GRID2: variants seen among roughly 807,000 people sequenced by gnomAD.
GRID2 encodes glutamate ionotropic receptor delta type subunit 2.
In GRID2, 33 loss-of-function variants were observed where a neutral mutation model predicts 114.8. The observed-to-expected ratio is 0.29, with a 90% CI of 0.22 to 0.38. The LOEUF is 0.38. Among genes scored for constraint, GRID2 ranks in the 10% least tolerant of loss-of-function variants. The probability of loss-of-function intolerance (pLI) is 1.00; values close to 1 mark genes in which losing one functional copy is unlikely to be tolerated. For missense variants in GRID2, 1,184 were observed against 1,257.7 expected (o/e 0.94, Z 0.89); for synonymous variants, 505 against 449.9 (o/e 1.12, Z -1.55).
chr4:93,060,066 G>A (rs1727638905), intron 2 of GRID2, among the ~76,000 whole-genome samples: 1 of 151,856 alleles, frequency 6.6e-6, no homozygotes, highest in African/African-American at 2.4e-5. Context: ...AAAAGTTTAT[G>A]TTTAGTCAAA....
At chr4:92,896,894 G>A (rs937015030) in intron 2 of GRID2, among the ~76,000 whole-genome samples, 5 of 151,968 alleles carry the variant, frequency 3.3e-5, no homozygotes, top group Admixed American at 6.6e-5. Flanking sequence ...AGGTATGTGC[G>A]ACGACGCCCG....
At chr4:93,423,767 T>C (rs1170179134) in intron 10 of GRID2, among the ~76,000 whole-genome samples, 4 of 152,176 alleles carry the variant, frequency 2.6e-5, no homozygotes, top group African/African-American at 9.7e-5. Flanking sequence ...CTTCAGTTTT[T>C]TGAGGCTCTG....
chr4:92,931,266 A>G (rs1488762059), intron 2 of GRID2, among the ~76,000 whole-genome samples: 3 of 151,048 alleles, frequency 2.0e-5, no homozygotes, highest in African/African-American at 4.8e-5. Context: ...TAGGCATTAA[A>G]AAAAAGCCTG....
At chr4:93,373,892 G>A (rs1241182899) in intron 8 of GRID2, among the ~76,000 whole-genome samples, 1 of 152,102 alleles carries the variant, frequency 6.6e-6, no homozygotes, top group Non-Finnish European at 1.5e-5. Context: ...AATAATAAAA[G>A]TATTTGCAAG....
Position 93,112,058 on chromosome 4 carries a change from A to G in GRID2, c.735+1105A>G, listed in dbSNP as rs532105615. 10 of 152,216 alleles carry G rather than the reference A, an allele frequency of 6.6e-5. No homozygotes were observed. The South Asian group carries it at 2.1e-3, about 32-fold the overall frequency. 9.4% of individuals were successfully genotyped at this position (152,216 alleles called of 1,614,324 possible). On this transcript the variant is annotated intron_variant, in intron 4 of 15. Coordinates refer to ENST00000282020, the MANE Select transcript of GRID2 (RefSeq NM_001510.4). ...TCTTATTGAACTACTACATTTTTTC[A>G]TAATATAAAATATTTCCAATTTTAA... is the stretch of plus-strand genomic sequence containing the variant.
At chr4:93,378,529 C>T (rs933091246) in intron 8 of GRID2, among the ~76,000 whole-genome samples, 23 of 151,984 alleles carry the variant, frequency 1.5e-4, no homozygotes, top group Non-Finnish European at 2.5e-4. Flanking sequence ...GGTAAGTAAA[C>T]CACAATTATA....
chr4:93,012,648 TAAAA>T (rs1193056647), intron 2 of GRID2, among the ~76,000 whole-genome samples: 1 of 147,608 alleles, frequency 6.8e-6, no homozygotes, highest in Non-Finnish European at 1.5e-5. Flanking sequence ...ACTGTACTAA[TAAAA>T]AGAGCAAAGG....
At chr4:92,835,310 T>G (rs1479567919) in intron 2 of GRID2, among the ~76,000 whole-genome samples, 1 of 152,084 alleles carries the variant, frequency 6.6e-6, no homozygotes, top group Non-Finnish European at 1.5e-5. Flanking sequence ...ACATTAATTA[T>G]TTTTGGAGGC....
intron 2 of GRID2, among the ~76,000 whole-genome samples, chr4:92,676,508 C>T (rs574654389): frequency 2.0e-5 from 3 of 152,048 alleles, no homozygotes; most frequent in Non-Finnish European, 2.9e-5. Context: ...AAATTCTGTA[C>T]GTTTCTTGGC....
At chr4:93,309,058 A>G (rs1341276250) in intron 8 of GRID2, among the ~76,000 whole-genome samples, 1 of 152,158 alleles carries the variant, frequency 6.6e-6, no homozygotes, top group Non-Finnish European at 1.5e-5. Context: ...TTTACATACT[A>G]AATATTTTAT....
intron 10 of GRID2, among the ~76,000 whole-genome samples, chr4:93,436,791 A>C (rs1339427883): frequency 6.6e-6 from 1 of 152,134 alleles, no homozygotes; most frequent in Non-Finnish European, 1.5e-5. Context: ...ACAAGAAAAT[A>C]CTAAGACCCC....
chr4:92,503,656 A>G (rs1723802667), intron 1 of GRID2, among the ~76,000 whole-genome samples: 1 of 152,134 alleles, frequency 6.6e-6, no homozygotes, highest in Non-Finnish European at 1.5e-5. Flanking sequence ...ACTGAGTCCC[A>G]GAACAGCATG....
intron 1 of GRID2, among the ~76,000 whole-genome samples, chr4:92,564,446 A>T (rs1727241766): frequency 6.6e-6 from 1 of 151,984 alleles, no homozygotes; most frequent in African/African-American, 2.4e-5. Flanking sequence ...ACACTTAAAC[A>T]AGTGCCAATA....
intron 12 of GRID2, among the ~76,000 whole-genome samples, chr4:93,502,470 CTG>C (rs755084352): frequency 6.6e-6 from 1 of 150,690 alleles, no homozygotes; most frequent in Non-Finnish European, 1.5e-5. Flanking sequence ...AAAGGCAAAT[CTG>C]AAAAAAAAAA....
chr4:92,313,879 A>T (rs2110113589), intron 1 of GRID2, among the ~76,000 whole-genome samples: 1 of 152,204 alleles, frequency 6.6e-6, no homozygotes, highest in South Asian at 2.1e-4. Context: ...GAATTCTATG[A>T]GTTTTGTCAT....
chr4:93,650,388 A>T (rs557718446), intron 14 of GRID2, among the ~76,000 whole-genome samples: 121 of 148,876 alleles, frequency 8.1e-4, no homozygotes, highest in African/African-American at 2.2e-3. Flanking sequence ...ATTTTTTTTT[A>T]AAATACCTCA....
chr4:93,477,695 CT>C (rs1725453159), intron 11 of GRID2, among the ~76,000 whole-genome samples: 1 of 152,054 alleles, frequency 6.6e-6, no homozygotes, highest in Non-Finnish European at 1.5e-5. Context: ...CAATAAAGTT[CT>C]TGTATAACAA....
chr4:92,585,655 A>T (rs1030496266), intron 1 of GRID2, among the ~76,000 whole-genome samples: 10 of 151,966 alleles, frequency 6.6e-5, no homozygotes, highest in Admixed American at 2.6e-4. Context: ...TCTTCAAGAT[A>T]TATCAAATTT....
At chr4:92,332,071 A>G (rs1726919482) in intron 1 of GRID2, among the ~76,000 whole-genome samples, 1 of 152,182 alleles carries the variant, frequency 6.6e-6, no homozygotes, top group South Asian at 2.1e-4. Context: ...CTTGAAGCTT[A>G]GAAACTTGAA....
Sources: gnomAD v4.1 joint callset for allele counts (sites outside exome capture counted in the v4.1 genomes callset) on GRCh38, gnomAD v4.1.1 for gene constraint, MANE v1.5 for transcripts, NCBI Gene and HGNC (gene_info 2026-07-23, HGNC 2026-07-21) for gene names.